PRR16: variants seen among roughly 807,000 people sequenced by gnomAD.
The protein encoded by PRR16 is protein Largen.
PRR16 carries 6 observed loss-of-function variants against 18.2 expected under a neutral mutation model. The ratio of observed to expected loss-of-function variants is 0.33; its 90% CI spans 0.18 to 0.65. The LOEUF (loss-of-function observed/expected upper bound fraction) is 0.65. Ranked by LOEUF, PRR16 falls within the 30% of genes least tolerant of loss-of-function variation. The pLI is 0.74. For synonymous variants in PRR16, 151 were observed against 147.8 expected, an observed-to-expected ratio of 1.02 and a Z score of -0.16; for missense variants, 412 against 376.6, an observed-to-expected ratio of 1.09 and a Z score of -0.78.
intron 1 of PRR16, among the ~76,000 whole-genome samples, chr5:120,639,522 A>T (rs1285708124): frequency 6.6e-6 from 1 of 152,070 alleles, no homozygotes; most frequent in Non-Finnish European, 1.5e-5. Context: ...TACCCTAATG[A>T]TGAAGGGATG....
chr5:120,685,903 A>G (rs372177266), intron 1 of PRR16, 51 bp from the exon 2 acceptor site: 9 of 1,529,836 alleles, frequency 5.9e-6, no homozygotes, highest in African/African-American at 4.1e-5. Context: ...TGTTTCTAGT[A>G]TACTTTGTTT....
At chr5:120,694,652 T>A in the PRR16 span, among the ~76,000 whole-genome samples, 2 of 145,170 alleles carry the variant, frequency 1.4e-5, no homozygotes, top group Non-Finnish European at 3.0e-5. Flanking sequence ...GCCACTGCAC[T>A]CCAGCCTGGG....
At chr5:120,695,927 A>ACG in the PRR16 span, among the ~76,000 whole-genome samples, 16 of 41,912 alleles carry the variant, frequency 3.8e-4, no homozygotes, top group South Asian at 0.029. Flanking sequence ...CAACATATAT[A>ACG]TGTGTGTGTG....
chr5:120,663,466 T>G (rs10046078), intron 1 of PRR16, among the ~76,000 whole-genome samples: 1 of 152,138 alleles, frequency 6.6e-6, no homozygotes, highest in East Asian at 1.9e-4. Context: ...AGAAAAAAAA[T>G]TATAAGTCAT....
At chr5:120,775,557 C>CTATT in the PRR16 span, among the ~76,000 whole-genome samples, 3 of 151,410 alleles carry the variant, frequency 2.0e-5, no homozygotes, top group Non-Finnish European at 1.5e-5. Flanking sequence ...CTGTTCATTT[C>CTATT]TATTTCATTC....
At chr5:120,594,827 G>C (rs1753749688) in intron 1 of PRR16, among the ~76,000 whole-genome samples, 1 of 151,794 alleles carries the variant, frequency 6.6e-6, no homozygotes. Context: ...ATCGATCTTT[G>C]ACAAAGCTGA....
chr5:120,512,683 C>G (rs1750866032), intron 1 of PRR16, among the ~76,000 whole-genome samples: 1 of 152,116 alleles, frequency 6.6e-6, no homozygotes, highest in Non-Finnish European at 1.5e-5. Context: ...CCTTCAGGCA[C>G]TCTCCAAACA....
At chr5:120,689,534 C>G (rs1304604411), downstream of PRR16, among the ~76,000 whole-genome samples, 1 of 152,134 alleles carries the variant, frequency 6.6e-6, no homozygotes, top group Non-Finnish European at 1.5e-5. Flanking sequence ...ATACTTGAAA[C>G]TACGTTTTGT....
At chr5:120,521,016 A>G (rs180877477) in intron 1 of PRR16, among the ~76,000 whole-genome samples, 2 of 152,286 alleles carry the variant, frequency 1.3e-5, no homozygotes, top group Admixed American at 1.3e-4. Context: ...TAAGTAAAGC[A>G]GAGGGATAAT....
intron 1 of PRR16, among the ~76,000 whole-genome samples, chr5:120,667,602 A>G (rs1166665995): frequency 6.7e-6 from 1 of 150,016 alleles, no homozygotes. Context: ...AGTGCTATAA[A>G]TTTCCCTCTA....
At chr5:120,712,222 G>T in the PRR16 span, among the ~76,000 whole-genome samples, 2 of 152,008 alleles carry the variant, frequency 1.3e-5, no homozygotes, top group South Asian at 2.1e-4. Flanking sequence ...CGTGGTAAGA[G>T]AACTTAAAAT....
At chr5:120,658,353 A>AG (rs1756057662) in intron 1 of PRR16, 1 of 150,982 alleles carries the variant, frequency 6.6e-6, no homozygotes, top group African/African-American at 2.4e-5. Flanking sequence ...AGTGGGGGAA[A>AG]AAAAAAAAAA....
intron 1 of PRR16, among the ~76,000 whole-genome samples, chr5:120,659,078 C>G (rs1007259219): frequency 6.6e-6 from 1 of 151,788 alleles, no homozygotes; most frequent in Non-Finnish European, 1.5e-5. Context: ...GATTCCAAGT[C>G]TTTCATGAAC....
At chr5:120,513,979 C>T (rs545643873) in intron 1 of PRR16, among the ~76,000 whole-genome samples, 203 of 152,120 alleles carry the variant, frequency 1.3e-3, no homozygotes, top group Middle Eastern at 3.4e-3. Context: ...AGGCTGGTCT[C>T]GAACTCCTGA....
intron 1 of PRR16, among the ~76,000 whole-genome samples, chr5:120,563,056 A>T (rs1752624941): frequency 6.6e-6 from 1 of 152,156 alleles, no homozygotes; most frequent in African/African-American, 2.4e-5. Context: ...TTCTTATAGG[A>T]CAGGTGTATT....
At chr5:120,480,605 A>T (rs1440977749) in intron 1 of PRR16, among the ~76,000 whole-genome samples, 2 of 152,316 alleles carry the variant, frequency 1.3e-5, no homozygotes, top group Admixed American at 1.3e-4. Context: ...TAGATTTGAA[A>T]TGTTTCTAAC....
the PRR16 span, among the ~76,000 whole-genome samples, chr5:120,777,903 A>AGAG: frequency 6.6e-6 from 1 of 152,158 alleles, no homozygotes; most frequent in Non-Finnish European, 1.5e-5. Flanking sequence ...ATTAGACTCT[A>AGAG]TCTGAACCAA....
chr5:120,566,259 G>T (rs2112726461), intron 1 of PRR16, among the ~76,000 whole-genome samples: 1 of 152,254 alleles, frequency 6.6e-6, no homozygotes, highest in South Asian at 2.1e-4. Context: ...ACCAGATGTG[G>T]ACTCTGAATC....
the PRR16 span, among the ~76,000 whole-genome samples, chr5:120,734,474 A>G: frequency 6.6e-6 from 1 of 152,210 alleles, no homozygotes; most frequent in African/African-American, 2.4e-5. Flanking sequence ...TAGTAAAAAA[A>G]TGTTATTTAG....
Sources: allele counts gnomAD v4.1 joint callset (sites outside exome capture counted in the v4.1 genomes callset), GRCh38; gene constraint gnomAD v4.1.1; transcripts MANE v1.5; gene names NCBI Gene and HGNC (gene_info 2026-07-23, HGNC 2026-07-21).